The following GDI2 variants were observed in gnomAD, a reference collection of about 807,000 sequenced individuals.
The protein encoded by GDI2 is rab GDP dissociation inhibitor beta.
GDI2 carries 22 observed loss-of-function variants against 54.2 expected under a neutral mutation model. The observed-to-expected ratio is 0.41, with a 90% CI of 0.29 to 0.58. The LOEUF is 0.58. Ranked by LOEUF, GDI2 falls within the 20% of genes least tolerant of loss-of-function variation. The pLI, the probability that GDI2 is intolerant of heterozygous loss-of-function variation, is 0.35. For missense variants in GDI2, 422 were observed against 546.0 expected (o/e 0.77, Z 2.26); for synonymous variants, 177 against 182.1 (o/e 0.97, Z 0.23).
At chr10:5,809,421 CTACA>C (rs1345848399) in intron 1 of GDI2, among the ~76,000 whole-genome samples, 2 of 152,192 alleles carry the variant, frequency 1.3e-5, no homozygotes, top group Non-Finnish European at 1.5e-5. Context: ...TCCCCATTCC[CTACA>C]TACATCCTTG....
At position 5,776,904 on chromosome 10, in the gene GDI2, A is replaced by T. The variant is rs117036012; in HGVS notation, c.720-2963T>A. The T allele has an allele frequency of 7.6e-3, 6,167 of 812,506 alleles. 49 individuals are homozygous for T. The highest frequency in any genetic ancestry group is 0.018 in the East Asian group (678 of 37,566). The allele number at this position is 812,506 out of a possible 1,614,324, so 50.3% of individuals were successfully genotyped here. On this transcript the variant is annotated intron_variant, in intron 6 of 10. Coordinates refer to ENST00000380191, the MANE Select transcript of GDI2 (RefSeq NM_001494.4). The surrounding 1 kb of genome is among the most constrained non-coding windows in gnomAD (Gnocchi z 5.3). ...AGAGGGGAGAAGAGGAAATAATGCG[A>T]AAACAGTTAATCCAGCAAAAAAATT...
intron 4 of GDI2, among the ~76,000 whole-genome samples, chr10:5,789,405 A>AT (rs201768854): frequency 3.2e-4 from 48 of 150,264 alleles, no homozygotes; most frequent in South Asian, 8.4e-4. Flanking sequence ...CGGCCAAATG[A>AT]TTTTTTTTTT....
At chr10:5,789,384 G>C (rs948497471) in intron 4 of GDI2, among the ~76,000 whole-genome samples, 6 of 152,070 alleles carry the variant, frequency 3.9e-5, no homozygotes, top group African/African-American at 1.4e-4. Context: ...ACAGCCATGA[G>C]CCACAGTAGC....
intron 6 of GDI2, 31 bp downstream of exon 6, chr10:5,785,111 G>GAGGTTTTGA (rs748981549): frequency 4.8e-5 from 73 of 1,515,956 alleles, no homozygotes; most frequent in Non-Finnish European, 6.1e-5. Context: ...TGAGGTTTTG[G>GAGGTTTTGA]ATCACTGAGG....
chr10:5,781,833 G>A (rs955629562), intron 6 of GDI2, among the ~76,000 whole-genome samples: 1 of 151,748 alleles, frequency 6.6e-6, no homozygotes, highest in Non-Finnish European at 1.5e-5. Flanking sequence ...GTTCAATAAC[G>A]GCAAAACCCC....
At position 5,765,844 on chromosome 10, in the gene GDI2, C is replaced by T; in HGVS notation, c.*162G>A. On this transcript the variant is annotated 3_prime_UTR_variant, in exon 11 of 11. Transcript: ENST00000380191. Reference sequence around the variant, plus strand: ...ATGCTGAATAGCCACTCCATGAAAACAAGTTAATAATTAGAAAGGTGAAGG... The same window carrying T: ...ATGCTGAATAGCCACTCCATGAAAATAAGTTAATAATTAGAAAGGTGAAGG... 1.8e-6 allele frequency: 1 copy of T among 543,696 alleles called. No homozygotes were observed. Among genetic ancestry groups the T allele is most frequent in the Non-Finnish European group, 3.1e-6 (1 of 317,878 alleles). The allele number at this position is 543,696 out of a possible 1,614,324, so 33.7% of individuals were successfully genotyped here.
At position 5,792,610 on chromosome 10, in the gene GDI2, A is replaced by T. The variant is rs1445300345; in HGVS notation, c.388+2275T>A. Among the ~76,000 whole-genome samples the T allele has an allele frequency of 2.0e-5, 3 of 152,060 alleles. No homozygotes were observed. In the East Asian group the frequency reaches 5.8e-4, roughly 29 times the overall value. ...AATGCATAAAAGTGTTTACTAAAAC[A>T]AGTGATTTCTACTGTACATAAATTA... On this transcript the variant is annotated intron_variant, in intron 4 of 10. Transcript: ENST00000380191.
intron 6 of GDI2, among the ~76,000 whole-genome samples, chr10:5,779,982 C>T (rs151309258): frequency 1.2e-3 from 189 of 152,164 alleles, no homozygotes; most frequent in Admixed American, 2.0e-3. Flanking sequence ...GCATGAGCCA[C>T]CATGCTCACT....
At chr10:5,778,531 CAGG>C (rs1242268730) in intron 6 of GDI2, among the ~76,000 whole-genome samples, 1 of 152,178 alleles carries the variant, frequency 6.6e-6, no homozygotes, top group Non-Finnish European at 1.5e-5. Flanking sequence ...TCAAGACTAT[CAGG>C]AGAAATATTT....
At chr10:5,812,902 C>T (rs936068423) in intron 1 of GDI2, among the ~76,000 whole-genome samples, 1 of 152,198 alleles carries the variant, frequency 6.6e-6, no homozygotes, top group African/African-American at 2.4e-5. Flanking sequence ...TTGGCCCGGG[C>T]GGCCTTCTCC....
chr10:5,772,761 CAAATAAAT>C (rs551728024), intron 7 of GDI2, among the ~76,000 whole-genome samples: 5 of 152,004 alleles, frequency 3.3e-5, no homozygotes, highest in Admixed American at 6.6e-5. Flanking sequence ...TTTGATGTCT[CAAATAAAT>C]AAATAAATAA....
At position 5,775,788 on chromosome 10, in the gene GDI2, G is replaced by T. The variant is rs146772162; in HGVS notation, c.720-1847C>A. ...TCAAAGGAGCTTGCTTACTCCAGAG[G>T]AGTAACGTTTAAGAATAAGCAGAGG... On this transcript the variant is annotated intron_variant, in intron 6 of 10. Coordinates refer to ENST00000380191, the MANE Select transcript of GDI2 (RefSeq NM_001494.4). 5.4e-3 allele frequency among the ~76,000 whole-genome samples: 825 copies of T among 152,310 alleles called. 11 individuals are homozygous for T. Among genetic ancestry groups the T allele is most frequent in the South Asian group, 0.044 (213 of 4,830 alleles).
chr10:5,812,203 T>G (rs1188576913), intron 1 of GDI2, among the ~76,000 whole-genome samples: 2 of 126,940 alleles, frequency 1.6e-5, no homozygotes, highest in South Asian at 2.4e-4. Context: ...AGATGAACAT[T>G]TAAAAAAAAA....
chr10:5,798,680 G>A (rs1841200782), intron 2 of GDI2, among the ~76,000 whole-genome samples: 1 of 151,072 alleles, frequency 6.6e-6, no homozygotes, highest in African/African-American at 2.4e-5. Flanking sequence ...TTGAAGATCA[G>A]CTAAGAAATA....
intron 6 of GDI2, among the ~76,000 whole-genome samples, chr10:5,775,918 C>T: frequency 6.6e-6 from 1 of 152,128 alleles, no homozygotes; most frequent in East Asian, 1.9e-4. Flanking sequence ...GGTTGTTGCT[C>T]CCTCTGCGCC....
At chr10:5,800,003 T>C (rs1396131615) in intron 2 of GDI2, among the ~76,000 whole-genome samples, 1 of 152,206 alleles carries the variant, frequency 6.6e-6, no homozygotes, top group African/African-American at 2.4e-5. Flanking sequence ...TTGGTAAGTA[T>C]TGTCTAATAA....
intron 5 of GDI2, 139 bp from the exon 6 acceptor site, chr10:5,785,412 T>G (rs1331193957): frequency 1.6e-6 from 1 of 640,866 alleles, no homozygotes; most frequent in African/African-American, 1.8e-5. Context: ...TCTCACTCTG[T>G]CGCCCAGACT....
intron 4 of GDI2, among the ~76,000 whole-genome samples, chr10:5,789,013 TGCCTCA>T (rs900644450): frequency 1.3e-5 from 2 of 152,164 alleles, no homozygotes; most frequent in African/African-American, 4.8e-5. Context: ...GTGATCCGCC[TGCCTCA>T]GCCTCCCAAA....
chr10:5,797,543 CAA>C (rs772570487), intron 2 of GDI2, among the ~76,000 whole-genome samples: 1,058 of 45,248 alleles, frequency 0.023, 6 homozygotes, highest in Non-Finnish European at 0.034. Flanking sequence ...GACTCCATCT[CAA>C]AAAAAAAAAA....
Sources: allele counts gnomAD v4.1 joint callset (sites outside exome capture counted in the v4.1 genomes callset), GRCh38; gene constraint gnomAD v4.1.1; non-coding constraint Gnocchi (gnomAD v3.1); transcripts MANE v1.5; gene names NCBI Gene and HGNC (gene_info 2026-07-23, HGNC 2026-07-21).